Variants in TNRC6A observed in about 807,000 individuals in gnomAD.
The protein encoded by TNRC6A is trinucleotide repeat-containing gene 6A protein.
A neutral mutation model predicts 221.2 loss-of-function variants in TNRC6A; 44 were observed. The observed-to-expected ratio is 0.20, with a 90% CI of 0.16 to 0.26. The LOEUF is 0.26. Among genes scored for constraint, TNRC6A ranks in the 10% least tolerant of loss-of-function variants. TNRC6A has a pLI of 1.00. For missense variants in TNRC6A, 2,199 were observed against 2,404.4 expected, an observed-to-expected ratio of 0.91 and a Z score of 1.79; for synonymous variants, 847 against 838.5, an observed-to-expected ratio of 1.01 and a Z score of -0.18.
At chr16:24,804,613 G>A (rs1175790995) in intron 12 of TNRC6A, 92 bp from the exon 13 acceptor site, 4 of 1,497,414 alleles carry the variant, frequency 2.7e-6, no homozygotes, top group Admixed American at 5.0e-5. Flanking sequence ...ATGCTGGAAT[G>A]TCATGTGACT....
chr16:24,618,642 A>AT (rs61228496), intron 1 of TNRC6A, among the ~76,000 whole-genome samples: 3,419 of 88,074 alleles, frequency 0.039, 275 homozygotes, highest in African/African-American at 0.071. Flanking sequence ...CATTTCATGA[A>AT]TTTTTTTTTT....
At chr16:24,686,326 C>A (rs1031488531) in intron 2 of TNRC6A, among the ~76,000 whole-genome samples, 4 of 152,170 alleles carry the variant, frequency 2.6e-5, no homozygotes, top group Admixed American at 1.3e-4. Flanking sequence ...TCACCAGAGC[C>A]TTTGTTCACC....
chr16:24,687,954 C>CTTTTCTTTTCT (rs1555489553), intron 2 of TNRC6A, among the ~76,000 whole-genome samples: 128 of 70,608 alleles, frequency 1.8e-3, no homozygotes, highest in Middle Eastern at 6.8e-3. Context: ...CTTTTCTTTT[C>CTTTTCTTTTCT]TTTTTTTTTT....
At chr16:24,651,697 C>CCG (rs1567326389) in intron 2 of TNRC6A, among the ~76,000 whole-genome samples, 5 of 150,020 alleles carry the variant, frequency 3.3e-5, no homozygotes, top group Non-Finnish European at 5.9e-5. Context: ...CCCCTCCCCC[C>CCG]GCCATCTTAA....
chr16:24,706,059 A>G (rs964870448), intron 2 of TNRC6A, among the ~76,000 whole-genome samples: 3 of 152,218 alleles, frequency 2.0e-5, no homozygotes, highest in African/African-American at 7.2e-5. Context: ...AGGAAACAAA[A>G]TGGAAGAAAA....
chr16:24,618,279 AT>A (rs1900479279), intron 1 of TNRC6A, among the ~76,000 whole-genome samples: 1 of 152,182 alleles, frequency 6.6e-6, no homozygotes, highest in Admixed American at 6.6e-5. Flanking sequence ...TACAGAAAAC[AT>A]CAATTGAACA....
intron 2 of TNRC6A, among the ~76,000 whole-genome samples, chr16:24,643,057 T>TTA (rs1902037384): frequency 2.9e-5 from 4 of 139,026 alleles, no homozygotes; most frequent in Non-Finnish European, 6.1e-5. Flanking sequence ...AATATATATA[T>TTA]AACATATATA....
intron 1 of TNRC6A, among the ~76,000 whole-genome samples, chr16:24,616,190 G>A (rs994133725): frequency 2.0e-5 from 3 of 151,746 alleles, no homozygotes; most frequent in Admixed American, 6.6e-5. Context: ...GCCAGGCGTG[G>A]TGGTGGACAC....
rs534189960 is a variant in TNRC6A at position 24,816,603 on chromosome 16, GATGAT to G, written c.4832-212_4832-208del. On this transcript the variant is annotated intron_variant, in intron 19 of 24. Coordinates refer to ENST00000395799, the MANE Select transcript of TNRC6A (RefSeq NM_014494.4). ...GGGTATGTATATTCACATTCAGTGA[GATGAT>G]TTCAGTTGTAAAAACTTGCAAGTAA... is the stretch of plus-strand genomic sequence containing the variant. 3.7e-4 allele frequency: 201 copies of G among 541,548 alleles called. 1 individual carries two copies. The highest frequency in any genetic ancestry group is 3.5e-3 in the African/African-American group (183 of 52,904). The allele number at this position is 541,548 out of a possible 1,614,324, so 33.5% of individuals were successfully genotyped here.
intron 2 of TNRC6A, among the ~76,000 whole-genome samples, chr16:24,708,062 A>AACAGAAAACAAAAAAC (rs539257245): frequency 6.6e-6 from 1 of 151,324 alleles, no homozygotes; most frequent in Non-Finnish European, 1.5e-5. Context: ...CTGTCAAAAA[A>AACAGAAAACAAAAAAC]AAAAAAACAC....
At chr16:24,689,833 C>T (rs1467874190) in intron 2 of TNRC6A, among the ~76,000 whole-genome samples, 1 of 151,790 alleles carries the variant, frequency 6.6e-6, no homozygotes, top group Non-Finnish European at 1.5e-5. Context: ...TCACTGAAGC[C>T]TCGAACCCCT....
At chr16:24,792,940 C>T (rs1006552597) in intron 6 of TNRC6A, among the ~76,000 whole-genome samples, 5 of 151,922 alleles carry the variant, frequency 3.3e-5, no homozygotes, top group South Asian at 2.1e-4. Context: ...AGGTGTGTGC[C>T]ACCACGCCCA....
Position 24,797,114 on chromosome 16 carries a change from A to AT in TNRC6A, c.3562-369dup, listed in dbSNP as rs1446681297. 3.9e-5 allele frequency among the ~76,000 whole-genome samples: 6 copies of AT among 152,056 alleles called. No individual in the cohort carries two copies. In the East Asian group the frequency reaches 5.8e-4, roughly 15 times the overall value. ...GGACTAACCTTAGAACCTAGTCACTATTTTTTTACTTTGGTTTGGAGTGAG... is the reference window on the plus strand; with the variant it reads ...GGACTAACCTTAGAACCTAGTCACTATTTTTTTTACTTTGGTTTGGAGTGAG... On this transcript the variant is annotated intron_variant, in intron 9 of 24. Transcript: ENST00000395799.
rs372228558 is a variant in TNRC6A, at chr16:24,790,405, G to A, written c.1763G>A (p.Ser588Asn). Residue 588 changes from serine (S) to asparagine (N), a missense_variant, in exon 6 of 25, where the codon AGT becomes AAT. By Grantham distance (46) the Ser-to-Asn change is conservative. Coordinates refer to ENST00000395799, the MANE Select transcript of TNRC6A (RefSeq NM_014494.4). ...AANSQSTSWG[S>N]GNGANSGGSR... ...AACTCCCAGAGTACATCATGGGGAA[G>A]TGGAAATGGCGCAAATTCTGGAGGA... is the stretch of plus-strand genomic sequence containing the variant. 117 of 1,614,126 alleles carry A rather than the reference G, an allele frequency of 7.2e-5. No individual in the cohort carries two copies. Among genetic ancestry groups the A allele is most frequent in the Non-Finnish European group, 9.5e-5 (112 of 1,180,040 alleles).
At chr16:24,713,417 A>AAAAC (rs144445788) in intron 2 of TNRC6A, among the ~76,000 whole-genome samples, 376 of 138,336 alleles carry the variant, frequency 2.7e-3, no homozygotes, top group East Asian at 4.6e-3. Context: ...AACTCTGTCT[A>AAAAC]AAACAAACAA....
Position 24,777,241 on chromosome 16 carries a change from A to G in TNRC6A, c.472A>G (p.Ile158Val), listed in dbSNP as rs2057745164. The change falls in exon 5 of 25, where the codon ATA becomes GTA. Residue 158 changes from isoleucine to valine, a missense_variant. Physicochemically the swap from Ile to Val is conservative, Grantham distance 29. This residue lies in a region of TNRC6A where 1,405 missense variants were observed against 1,400.2 expected (regional missense o/e 1.00). Coordinates refer to ENST00000395799, the MANE Select transcript of TNRC6A (RefSeq NM_014494.4). The stretch of plus-strand genomic sequence containing the variant: ...AAAGAGGGGTCAGCATTTTCCTGTT[A>G]TAGCAGCAAACCTTGGATCTGCTGT... ...LLKRGQHFPV[I>V]AANLGSAVKV... The G allele has an allele frequency of 3.1e-6, 5 of 1,614,106 alleles. No homozygotes were observed. Among genetic ancestry groups the G allele is most frequent in the Admixed American group, 3.3e-5 (2 of 60,006 alleles).
At chr16:24,818,933 C>A (rs1392522414) in intron 21 of TNRC6A, among the ~76,000 whole-genome samples, 2 of 151,860 alleles carry the variant, frequency 1.3e-5, no homozygotes, top group African/African-American at 4.8e-5. Context: ...AGAGCCACAG[C>A]AGCTCTGTAA....
chr16:24,801,115 G>A (rs1014624247), intron 11 of TNRC6A, among the ~76,000 whole-genome samples: 1 of 152,218 alleles, frequency 6.6e-6, no homozygotes, highest in Non-Finnish European at 1.5e-5. Context: ...CCAGTAAACA[G>A]TCGAAAATCT....
intron 2 of TNRC6A, among the ~76,000 whole-genome samples, chr16:24,712,557 A>G (rs892026628): frequency 6.9e-5 from 10 of 144,376 alleles, no homozygotes; most frequent in Admixed American, 3.5e-4. Flanking sequence ...TGACATTTAG[A>G]TAATAAGAAA....
Sources: gnomAD v4.1 joint callset for allele counts (sites outside exome capture counted in the v4.1 genomes callset) on GRCh38, gnomAD v4.1.1 for gene constraint, gnomAD v4.1.1 regional missense constraint, MANE v1.5 for transcripts, NCBI Gene and HGNC (gene_info 2026-07-23, HGNC 2026-07-21) for gene names.